Variants in TMEM163 observed in about 807,000 individuals in gnomAD.
TMEM163 encodes the protein transmembrane protein 163.
A neutral mutation model predicts 29.3 loss-of-function variants in TMEM163; 17 were observed. The ratio of observed to expected loss-of-function variants is 0.58; its 90% CI spans 0.40 to 0.87. TMEM163 has a LOEUF of 0.87. Among genes scored for constraint, TMEM163 ranks in the 40% least tolerant of loss-of-function variants. The pLI is 0.00. For synonymous variants in TMEM163, 157 were observed against 160.6 expected (o/e 0.98, Z 0.17); for missense variants, 303 against 381.5 (o/e 0.79, Z 1.71).
chr2:134,504,343 G>T (rs1194340587), intron 4 of TMEM163, among the ~76,000 whole-genome samples: 2 of 152,072 alleles, frequency 1.3e-5, no homozygotes, highest in African/African-American at 4.8e-5. Context: ...AAAGAACAGA[G>T]ATGGAAGGAA....
chr2:134,659,724 G>C (rs1245658718), intron 2 of TMEM163, among the ~76,000 whole-genome samples: 4 of 152,210 alleles, frequency 2.6e-5, no homozygotes. Context: ...CAGCTCACTT[G>C]AGGCCAGGAG....
chr2:134,656,367 G>C (rs949854244), intron 2 of TMEM163, among the ~76,000 whole-genome samples: 2 of 151,656 alleles, frequency 1.3e-5, no homozygotes, highest in Admixed American at 6.6e-5. Context: ...CTGACCCCTC[G>C]CGCTTCCCAG....
intron 2 of TMEM163, among the ~76,000 whole-genome samples, chr2:134,619,935 T>C (rs115322180): frequency 8.9e-4 from 136 of 152,308 alleles, no homozygotes; most frequent in African/African-American, 2.8e-3. Context: ...CCATGCACTA[T>C]GGCTTCAAAA....
intron 2 of TMEM163, among the ~76,000 whole-genome samples, chr2:134,671,484 G>C (rs1683995620): frequency 6.6e-6 from 1 of 152,134 alleles, no homozygotes; most frequent in Admixed American, 6.5e-5. Flanking sequence ...TGACCTCCCT[G>C]GGTTCAAGCC....
chr2:134,659,355 T>C (rs1427914145), intron 2 of TMEM163, among the ~76,000 whole-genome samples: 2 of 152,302 alleles, frequency 1.3e-5, no homozygotes, highest in Middle Eastern at 3.4e-3. Context: ...GGGTTTAAAG[T>C]CTGAGAGTCC....
At chr2:134,697,609 T>C (rs1178442150) in intron 2 of TMEM163, among the ~76,000 whole-genome samples, 2 of 151,794 alleles carry the variant, frequency 1.3e-5, no homozygotes, top group African/African-American at 4.8e-5. Flanking sequence ...GGATTACAGG[T>C]GCCTGCCACC....
intron 2 of TMEM163, among the ~76,000 whole-genome samples, chr2:134,593,773 C>G (rs1681993838): frequency 6.6e-6 from 1 of 151,646 alleles, no homozygotes; most frequent in Non-Finnish European, 1.5e-5. Context: ...AAGCTTGATT[C>G]ATAAAAAATT....
At chr2:134,506,674 A>G (rs1298366607) in intron 4 of TMEM163, among the ~76,000 whole-genome samples, 9 of 152,260 alleles carry the variant, frequency 5.9e-5, no homozygotes, top group African/African-American at 1.9e-4. Flanking sequence ...AGCTCTGGGC[A>G]GCCACATCAC....
chr2:134,702,802 G>A (rs902403744), intron 2 of TMEM163, among the ~76,000 whole-genome samples: 1 of 151,948 alleles, frequency 6.6e-6, no homozygotes, highest in African/African-American at 2.4e-5. Flanking sequence ...GGAATATAAA[G>A]GTGATTAAAT....
chr2:134,639,992 CCA>C (rs1683191095), intron 2 of TMEM163, among the ~76,000 whole-genome samples: 2 of 152,084 alleles, frequency 1.3e-5, no homozygotes, highest in South Asian at 4.2e-4. Context: ...AAAATAAACC[CCA>C]GTTTCCCCAG....
chr2:134,626,075 G>A (rs1228642694), intron 2 of TMEM163, among the ~76,000 whole-genome samples: 1 of 114,854 alleles, frequency 8.7e-6, no homozygotes, highest in African/African-American at 3.1e-5. Context: ...GGGAGAATCT[G>A]TTTCCTCTAC....
chr2:134,534,732 C>T (rs114609472), intron 4 of TMEM163, among the ~76,000 whole-genome samples: 8,324 of 151,782 alleles, frequency 0.055, 481 homozygotes, highest in African/African-American at 0.14. Flanking sequence ...CTAACCTGGG[C>T]GACACAGTGA....
intron 5 of TMEM163, among the ~76,000 whole-genome samples, chr2:134,497,671 G>A (rs1461504119): frequency 6.6e-6 from 1 of 152,210 alleles, no homozygotes; most frequent in African/African-American, 2.4e-5. Flanking sequence ...TCACAGTTCT[G>A]TTGTGGAGTA....
intron 2 of TMEM163, among the ~76,000 whole-genome samples, chr2:134,668,617 C>A (rs1374317830): frequency 1.3e-5 from 2 of 149,984 alleles, no homozygotes; most frequent in African/African-American, 4.9e-5. Context: ...AAGAGGGAAA[C>A]TCCGTCTCAA....
chr2:134,468,531 T>C (rs903680368), intron 5 of TMEM163: 12 of 152,262 alleles, frequency 7.9e-5, no homozygotes, highest in African/African-American at 2.9e-4. Flanking sequence ...CTAACAGGAC[T>C]CAGGAAGCAT....
At chr2:134,547,856 CAGTGAAA>C (rs1252228324) in intron 4 of TMEM163, among the ~76,000 whole-genome samples, 1 of 152,180 alleles carries the variant, frequency 6.6e-6, no homozygotes, top group African/African-American at 2.4e-5. Context: ...TTATTAAAAA[CAGTGAAA>C]CCAAAGACAT....
At chr2:134,672,552 T>A (rs555133493) in intron 2 of TMEM163, among the ~76,000 whole-genome samples, 1 of 152,240 alleles carries the variant, frequency 6.6e-6, no homozygotes, top group East Asian at 1.9e-4. Flanking sequence ...ATTTTATTTT[T>A]TTTTTGTAGA....
chr2:134,539,578 T>C (rs1037352536), intron 4 of TMEM163, among the ~76,000 whole-genome samples: 3 of 152,202 alleles, frequency 2.0e-5, no homozygotes, highest in Admixed American at 6.5e-5. Flanking sequence ...AAACTGTATA[T>C]GTATCTTATA....
rs142703700 is a variant in TMEM163, at chr2:134,605,113, G to T, written c.323-53022C>A. ...AATAGCTTGAACCTGGGAAGCGGAGGTTACAGTGAGCTGGGATCGCACCAC... is the reference window on the plus strand; with the variant it reads ...AATAGCTTGAACCTGGGAAGCGGAGTTTACAGTGAGCTGGGATCGCACCAC... On this transcript the variant is annotated intron_variant, in intron 2 of 7. Transcript: ENST00000281924. Among the ~76,000 whole-genome samples, 20 of 150,830 alleles carry T rather than the reference G, an allele frequency of 1.3e-4. No homozygotes were observed. The East Asian group carries it at 4.0e-3, about 30-fold the overall frequency.
Sources: gnomAD v4.1 joint callset for allele counts (sites outside exome capture counted in the v4.1 genomes callset) on GRCh38, gnomAD v4.1.1 for gene constraint, MANE v1.5 for transcripts, NCBI Gene and HGNC (gene_info 2026-07-23, HGNC 2026-07-21) for gene names.